The following PARD3B variants were observed in gnomAD, a reference collection of about 807,000 sequenced individuals.
PARD3B encodes the protein par-3 family cell polarity regulator beta.
PARD3B carries 103 observed loss-of-function variants against 130.2 expected under a neutral mutation model. That is an observed-to-expected ratio of 0.79 (90% CI 0.67 to 0.93). PARD3B has a LOEUF of 0.93. PARD3B is among the 40% of genes least tolerant of loss of function. The probability of loss-of-function intolerance (pLI) is 0.00; values close to 1 mark genes in which losing one functional copy is unlikely to be tolerated. For synonymous variants in PARD3B, 583 were observed against 553.2 expected (o/e 1.05, Z -0.76); for missense variants, 1,609 against 1,499.2 (o/e 1.07, Z -1.21).
intron 4 of PARD3B, among the ~76,000 whole-genome samples, chr2:205,054,433 TA>T (rs1386643552): frequency 0.049 from 1,450 of 29,878 alleles, 25 homozygotes; most frequent in East Asian, 0.069. Context: ...TATATATATA[TA>T]TATTTTTTTT....
chr2:204,753,594 G>A (rs1030920346), intron 2 of PARD3B, among the ~76,000 whole-genome samples: 2 of 152,114 alleles, frequency 1.3e-5, no homozygotes, highest in African/African-American at 4.8e-5. Context: ...TGTGTAATCA[G>A]TAGCTATGTG....
intron 2 of PARD3B, among the ~76,000 whole-genome samples, chr2:204,740,236 G>A (rs773691622): frequency 7.9e-5 from 12 of 151,616 alleles, no homozygotes; most frequent in African/African-American, 2.7e-4. Flanking sequence ...TGGCCAGGCT[G>A]ATCGCGATCT....
At chr2:205,173,031 T>C (rs965322578) in intron 12 of PARD3B, among the ~76,000 whole-genome samples, 3 of 152,060 alleles carry the variant, frequency 2.0e-5, no homozygotes, top group African/African-American at 7.2e-5. Context: ...TTTTCTCTTA[T>C]ATGAAGAATA....
chr2:204,662,237 A>T (rs2035841537), intron 1 of PARD3B, among the ~76,000 whole-genome samples: 1 of 152,188 alleles, frequency 6.6e-6, no homozygotes. Context: ...TGCATTTATT[A>T]ATATTACCAC....
Position 205,301,820 on chromosome 2 carries a change from C to CG in PARD3B, c.2630+121dup. ...TTCCTCGTCTTCAGCCAAATGCATA[C>CG]GGCTCTCAATTCTGTGCTCGTTCTC... On this transcript the variant is annotated intron_variant, in intron 18 of 22. Transcript: ENST00000406610. The surrounding 1 kb of genome is among the most constrained non-coding windows in gnomAD (Gnocchi z 5.2). 1.4e-6 allele frequency: 2 copies of CG among 1,464,676 alleles called. No homozygotes were observed. The allele number at this position is 1,464,676 out of a possible 1,614,324, so 90.7% of individuals were successfully genotyped here.
At chr2:205,383,121 T>TAGATAGATAGATAGATAGATAGATAGAG (rs2045532567) in intron 18 of PARD3B, among the ~76,000 whole-genome samples, 3 of 150,862 alleles carry the variant, frequency 2.0e-5, no homozygotes, top group Admixed American at 6.7e-5. Context: ...GATAGATAGA[T>TAGATAGATAGATAGATAGATAGATAGAG]AGATAGATAG....
chr2:205,087,078 C>T (rs765961014), intron 4 of PARD3B, among the ~76,000 whole-genome samples: 1 of 152,088 alleles, frequency 6.6e-6, no homozygotes, highest in Non-Finnish European at 1.5e-5. Context: ...ATTAATTAAG[C>T]ATTTTTATTT....
intron 2 of PARD3B, among the ~76,000 whole-genome samples, chr2:204,817,644 G>T (rs191446943): frequency 6.6e-6 from 1 of 152,224 alleles, no homozygotes; most frequent in African/African-American, 2.4e-5. Flanking sequence ...GATCTCTGGA[G>T]TTATTTCTTT....
chr2:205,072,639 G>A (rs1700811896), intron 4 of PARD3B, among the ~76,000 whole-genome samples: 1 of 151,948 alleles, frequency 6.6e-6, no homozygotes, highest in Admixed American at 6.6e-5. Context: ...GATATTTTAA[G>A]GTCTAAATAA....
intron 18 of PARD3B, chr2:205,347,749 T>C (rs2043846180): frequency 6.6e-6 from 1 of 152,246 alleles, no homozygotes; most frequent in Admixed American, 6.5e-5. Flanking sequence ...TATTTGTCTC[T>C]GTCTTCTTAA....
chr2:205,260,866 G>A (rs560530886), intron 16 of PARD3B, among the ~76,000 whole-genome samples: 3 of 151,534 alleles, frequency 2.0e-5, no homozygotes, highest in Non-Finnish European at 3.0e-5. Context: ...TACTAAAGTT[G>A]TAGGCCCCTT....
chr2:204,759,697 C>T (rs1326576084), intron 2 of PARD3B, among the ~76,000 whole-genome samples: 1 of 151,942 alleles, frequency 6.6e-6, no homozygotes, highest in Non-Finnish European at 1.5e-5. Flanking sequence ...AGTCTGTTTC[C>T]TTGGATTTTG....
intron 22 of PARD3B, among the ~76,000 whole-genome samples, chr2:205,588,078 A>G (rs1463813778): frequency 6.6e-6 from 1 of 152,228 alleles, no homozygotes; most frequent in Non-Finnish European, 1.5e-5. Context: ...GGGAAGAAAT[A>G]TACAACTGAG....
chr2:204,549,767 T>A (rs1283586924), intron 1 of PARD3B, among the ~76,000 whole-genome samples: 1 of 152,220 alleles, frequency 6.6e-6, no homozygotes, highest in Non-Finnish European at 1.5e-5. Flanking sequence ...GCACAATACA[T>A]GTTATTTGTT....
At chr2:205,526,405 T>C (rs75916096) in intron 21 of PARD3B, among the ~76,000 whole-genome samples, 5,541 of 152,156 alleles carry the variant, frequency 0.036, 190 homozygotes, top group South Asian at 0.13. Flanking sequence ...TTACAAAGAG[T>C]ACTTGCCTTT....
intron 4 of PARD3B, among the ~76,000 whole-genome samples, chr2:205,101,222 T>A (rs1418951748): frequency 1.3e-5 from 2 of 152,170 alleles, no homozygotes; most frequent in African/African-American, 4.8e-5. Context: ...ACATCATTGG[T>A]CATTACAGAA....
chr2:205,583,400 T>TGTGTGTGTGC (rs1192785640), intron 22 of PARD3B, among the ~76,000 whole-genome samples: 8,289 of 133,886 alleles, frequency 0.062, 272 homozygotes, highest in Non-Finnish European at 0.082. Context: ...TGTGTGTGTG[T>TGTGTGTGTGC]GCGCGCGCAC....
chr2:205,109,552 T>C (rs1703469517), intron 5 of PARD3B, among the ~76,000 whole-genome samples: 1 of 152,146 alleles, frequency 6.6e-6, no homozygotes. Flanking sequence ...AGTTATTGAA[T>C]GCTTTGTAAA....
chr2:205,275,127 A>G (rs2105812893), intron 16 of PARD3B, among the ~76,000 whole-genome samples: 1 of 152,178 alleles, frequency 6.6e-6, no homozygotes, highest in South Asian at 2.1e-4. Context: ...AAGGGGTAAT[A>G]TATAATCACA....
Sources: allele counts gnomAD v4.1 joint callset (sites outside exome capture counted in the v4.1 genomes callset), GRCh38; gene constraint gnomAD v4.1.1; non-coding constraint Gnocchi (gnomAD v3.1); transcripts MANE v1.5; gene names NCBI Gene and HGNC (gene_info 2026-07-23, HGNC 2026-07-21).